COL19A1: variants seen among roughly 807,000 people sequenced by gnomAD.
COL19A1 encodes collagen type XIX alpha 1 chain, also known as collagen alpha-1(XIX) chain.
In COL19A1, 159 loss-of-function variants were observed where a neutral mutation model predicts 190.2. The observed-to-expected ratio is 0.84, with a 90% CI of 0.73 to 0.95. The LOEUF is 0.95. COL19A1 is among the 40% of genes least tolerant of loss of function. The pLI is 0.00. For missense variants in COL19A1, 1,418 were observed against 1,431.9 expected, an observed-to-expected ratio of 0.99 and a Z score of 0.16; for synonymous variants, 509 against 458.9, an observed-to-expected ratio of 1.11 and a Z score of -1.39.
chr6:69,939,949 C>T (rs1308025416), intron 9 of COL19A1, among the ~76,000 whole-genome samples: 1 of 151,972 alleles, frequency 6.6e-6, no homozygotes, highest in South Asian at 2.1e-4. Context: ...GATTTATACA[C>T]GTTCACATAC....
intron 15 of COL19A1, among the ~76,000 whole-genome samples, chr6:70,072,845 A>G (rs1781639487): frequency 6.6e-6 from 1 of 152,170 alleles, no homozygotes; most frequent in African/African-American, 2.4e-5. Context: ...CTGGGAGCCT[A>G]CAAAAGTACA....
chr6:70,112,431 T>G (rs981044638), intron 16 of COL19A1, among the ~76,000 whole-genome samples: 1 of 152,108 alleles, frequency 6.6e-6, no homozygotes, highest in Non-Finnish European at 1.5e-5. Context: ...CAGGACATAC[T>G]GGGGAGAGAT....
chr6:70,036,290 TA>T (rs1485103142), intron 14 of COL19A1, among the ~76,000 whole-genome samples: 1 of 152,228 alleles, frequency 6.6e-6, no homozygotes, highest in East Asian at 1.9e-4. Context: ...CTACTTGCTT[TA>T]AAAACTGTAA....
At chr6:70,142,852 T>C in intron 23 of COL19A1, 32 bp downstream of exon 23, 1 of 1,583,034 alleles carries the variant, frequency 6.3e-7, no homozygotes, top group Non-Finnish European at 8.6e-7. Context: ...TTTCTGGAAT[T>C]GAAATTGAGA....
intron 9 of COL19A1, among the ~76,000 whole-genome samples, chr6:69,950,480 C>T (rs963505210): frequency 6.6e-6 from 1 of 151,660 alleles, no homozygotes; most frequent in Non-Finnish European, 1.5e-5. Flanking sequence ...ATGATTTTGC[C>T]TAAGAGATTC....
chr6:70,016,366 T>TTAAA (rs1554189059), intron 11 of COL19A1, among the ~76,000 whole-genome samples: 1 of 37,648 alleles, frequency 2.7e-5, no homozygotes, highest in African/African-American at 1.4e-4. Context: ...TAGAGTATAA[T>TTAAA]AAAAAAAAAA....
chr6:70,085,982 C>T (rs1047361106), intron 15 of COL19A1, among the ~76,000 whole-genome samples: 7 of 151,962 alleles, frequency 4.6e-5, no homozygotes, highest in Non-Finnish European at 7.4e-5. Flanking sequence ...CTGATATTTG[C>T]GGGATAAGGT....
intron 36 of COL19A1, among the ~76,000 whole-genome samples, chr6:70,164,825 G>C (rs79357195): frequency 0.011 from 1,701 of 152,288 alleles, 36 homozygotes; most frequent in African/African-American, 0.037. Flanking sequence ...CCACATCAAA[G>C]CAGTTTGGGA....
At chr6:70,122,708 T>C (rs1006973737) in intron 17 of COL19A1, among the ~76,000 whole-genome samples, 1 of 152,182 alleles carries the variant, frequency 6.6e-6, no homozygotes, top group African/African-American at 2.4e-5. Context: ...GTCTTTCTTT[T>C]CCATGTTCTT....
At chr6:70,019,086 G>T (rs1168218289) in intron 11 of COL19A1, among the ~76,000 whole-genome samples, 2 of 152,180 alleles carry the variant, frequency 1.3e-5, no homozygotes, top group East Asian at 3.9e-4. Context: ...AGTCCTAGGG[G>T]CATATGGTAG....
chr6:70,088,242 G>T (rs1464780758), intron 15 of COL19A1, among the ~76,000 whole-genome samples: 6 of 152,090 alleles, frequency 3.9e-5, no homozygotes, highest in Non-Finnish European at 7.4e-5. Context: ...ATATATTCTA[G>T]CCCACTATCT....
At chr6:70,057,727 A>G (rs1780582518) in intron 14 of COL19A1, among the ~76,000 whole-genome samples, 1 of 152,128 alleles carries the variant, frequency 6.6e-6, no homozygotes, top group Non-Finnish European at 1.5e-5. Flanking sequence ...TATTTGCAGT[A>G]CTGCCACATA....
At chr6:69,925,324 A>T (rs148076614) in intron 4 of COL19A1, among the ~76,000 whole-genome samples, 17 of 152,262 alleles carry the variant, frequency 1.1e-4, no homozygotes, top group African/African-American at 3.9e-4. Context: ...TATTCCCAGC[A>T]CCATTTGTTA....
In COL19A1 at chr6:70,180,353, A is replaced by G; in HGVS notation, c.2709A>G (p.Glu903=). The G allele has an allele frequency of 1.9e-6, 3 of 1,613,940 alleles. No individual in the cohort carries two copies. Among genetic ancestry groups the G allele is most frequent in the South Asian group, 1.1e-5 (1 of 91,072 alleles). The change falls in exon 43 of 51, where the codon GAA becomes GAG. Residue 903 remains glutamate, a synonymous_variant. Transcript: ENST00000620364. The part of the protein sequence containing the change: ...GAPGPPGVPG[E]PGERGPVGDI... Reference sequence around the variant, plus strand: ...CAGGGCCTCCAGGAGTTCCAGGGGAACCGGTGAGTTGGCAGTTACTTTCAT... The same window carrying G: ...CAGGGCCTCCAGGAGTTCCAGGGGAGCCGGTGAGTTGGCAGTTACTTTCAT...
rs1308118724 is a variant in COL19A1, at chr6:70,016,391, A to G, written c.1027-7236A>G. 7.7e-5 allele frequency among the ~76,000 whole-genome samples: 8 copies of G among 103,920 alleles called. 1 individual carries two copies. 68.2% of individuals were successfully genotyped at this position (103,920 alleles called of 152,430 possible). On this transcript the variant is annotated intron_variant, in intron 11 of 50. Coordinates refer to ENST00000620364, the MANE Select transcript of COL19A1 (RefSeq NM_001858.6). Reference sequence around the variant, plus strand: ...TAAAAAAAAAAAAAAAAAACACATGAAAAAAAAAAAACAAAACAAAACAAA... The same window carrying G: ...TAAAAAAAAAAAAAAAAAACACATGGAAAAAAAAAAACAAAACAAAACAAA...
At chr6:69,998,105 A>C (rs1420144699) in intron 11 of COL19A1, among the ~76,000 whole-genome samples, 1 of 152,200 alleles carries the variant, frequency 6.6e-6, no homozygotes, top group Admixed American at 6.5e-5. Context: ...ATTGTCAACT[A>C]TGAATTCTGT....
chr6:70,155,625 A>G (rs1431697434), intron 31 of COL19A1, among the ~76,000 whole-genome samples: 1 of 152,186 alleles, frequency 6.6e-6, no homozygotes, highest in Non-Finnish European at 1.5e-5. Flanking sequence ...CACTGACAAA[A>G]TGTTAGTAAA....
intron 14 of COL19A1, among the ~76,000 whole-genome samples, chr6:70,056,017 G>A (rs1313573402): frequency 6.6e-6 from 1 of 151,812 alleles, no homozygotes; most frequent in African/African-American, 2.4e-5. Context: ...TATTCCATCT[G>A]TTGTAGGGAG....
At chr6:69,872,505 T>TA (rs1165310021) in intron 1 of COL19A1, among the ~76,000 whole-genome samples, 1 of 152,166 alleles carries the variant, frequency 6.6e-6, no homozygotes, top group East Asian at 1.9e-4. Flanking sequence ...AATAAGAACT[T>TA]AAAAAAATCT....
Sources: allele counts gnomAD v4.1 joint callset (sites outside exome capture counted in the v4.1 genomes callset), GRCh38; gene constraint gnomAD v4.1.1; transcripts MANE v1.5; gene names NCBI Gene and HGNC (gene_info 2026-07-23, HGNC 2026-07-21).